TRPM3: variants seen among roughly 807,000 people sequenced by gnomAD.
The protein encoded by TRPM3 is long transient receptor potential channel 3.
Under a neutral mutation model 181.2 loss-of-function variants are expected in TRPM3, and 77 were observed. That is an observed-to-expected ratio of 0.42 (90% CI 0.35 to 0.51). TRPM3 has a LOEUF of 0.51. TRPM3 is among the 20% of genes least tolerant of loss of function. The pLI, the probability that TRPM3 is intolerant of heterozygous loss-of-function variation, is 0.01. For missense variants in TRPM3, 1,759 were observed against 2,196.7 expected, an observed-to-expected ratio of 0.80 and a Z score of 3.98; for synonymous variants, 745 against 796.4, an observed-to-expected ratio of 0.94 and a Z score of 1.09.
At chr9:70,889,707 G>A (rs1437636987) in intron 1 of TRPM3, among the ~76,000 whole-genome samples, 1 of 152,094 alleles carries the variant, frequency 6.6e-6, no homozygotes, top group African/African-American at 2.4e-5. Context: ...TTACTCTGAG[G>A]TATAAGAGCA....
chr9:71,406,844 A>C (rs576736635), intron 1 of TRPM3, among the ~76,000 whole-genome samples: 1 of 152,254 alleles, frequency 6.6e-6, no homozygotes, highest in South Asian at 2.1e-4. Flanking sequence ...AAGGATCTGC[A>C]ACCAGAACTC....
At chr9:71,441,556 T>C (rs1436366932) in intron 1 of TRPM3, among the ~76,000 whole-genome samples, 2 of 151,936 alleles carry the variant, frequency 1.3e-5, no homozygotes, top group African/African-American at 4.8e-5. Flanking sequence ...AAGGACCTAC[T>C]AGCCACGTAA....
At chr9:70,621,521 C>T (rs766420953) in intron 14 of TRPM3, among the ~76,000 whole-genome samples, 5 of 152,016 alleles carry the variant, frequency 3.3e-5, no homozygotes, top group African/African-American at 7.2e-5. Context: ...CATGTTACCA[C>T]GCTTGGCTAA....
chr9:70,536,767 G>C lies in TRPM3; in HGVS notation c.4346C>G (p.Ser1449Cys). ...ATAGGCACTACTTGAAGGGGCTGTG[G>C]AAGGTACTGGAGTTGAAAAGCTTGG... ...GEPSFSTPVP[S>C]TAPSSSAYAT... Residue 1449 changes from serine to cysteine, a missense_variant, in exon 26 of 26, where the codon TCC (serine) becomes TGC (cysteine). Around this residue, in one of 8 missense-constraint regions of TRPM3, gnomAD observed 612 missense variants for 590.0 expected, o/e 1.04. Coordinates refer to ENST00000677713, the MANE Select transcript of TRPM3 (RefSeq NM_001366145.2). 6.2e-7 allele frequency: 1 copy of C among 1,614,176 alleles called. No homozygotes were observed. The highest frequency in any genetic ancestry group is 8.5e-7 in the Non-Finnish European group (1 of 1,180,034).
At chr9:71,241,438 T>C (rs771661445) in intron 1 of TRPM3, among the ~76,000 whole-genome samples, 41 of 144,250 alleles carry the variant, frequency 2.8e-4, no homozygotes, top group East Asian at 1.3e-3. Flanking sequence ...TAGGTGGGAA[T>C]TGAACAATGA....
intron 19 of TRPM3, among the ~76,000 whole-genome samples, chr9:70,604,842 C>T (rs560997385): frequency 6.6e-6 from 1 of 152,084 alleles, no homozygotes; most frequent in Admixed American, 6.5e-5. Flanking sequence ...GAGACAGCAT[C>T]TCACTTTGTT....
intron 9 of TRPM3, among the ~76,000 whole-genome samples, chr9:70,661,737 C>CA (rs576193315): frequency 2.0e-5 from 3 of 151,710 alleles, no homozygotes; most frequent in Non-Finnish European, 2.9e-5. Context: ...AGATCTCTAC[C>CA]AAAAAAACCC....
chr9:71,262,911 T>C (rs930375156), intron 1 of TRPM3, among the ~76,000 whole-genome samples: 1 of 152,218 alleles, frequency 6.6e-6, no homozygotes, highest in Non-Finnish European at 1.5e-5. Context: ...TCACCCGCCT[T>C]CTGCATTGGT....
chr9:71,002,505 C>T (rs1209717435), intron 1 of TRPM3, among the ~76,000 whole-genome samples: 1 of 152,114 alleles, frequency 6.6e-6, no homozygotes, highest in East Asian at 1.9e-4. Flanking sequence ...GATGATGTTC[C>T]TAAAACTTCA....
chr9:71,321,550 G>C (rs1343865489), intron 1 of TRPM3, among the ~76,000 whole-genome samples: 6 of 152,074 alleles, frequency 3.9e-5, no homozygotes, highest in Admixed American at 3.9e-4. Context: ...TAGAATATAA[G>C]ATGTAAGAAA....
intron 8 of TRPM3, among the ~76,000 whole-genome samples, chr9:70,695,563 G>T (rs1264135598): frequency 1.3e-5 from 2 of 152,172 alleles, no homozygotes; most frequent in African/African-American, 2.4e-5. Context: ...TCTTCTGCAA[G>T]CTTATCTTGG....
chr9:70,546,774 TAAAGC>T (rs1432350190), intron 25 of TRPM3, among the ~76,000 whole-genome samples: 4 of 151,786 alleles, frequency 2.6e-5, no homozygotes, highest in Non-Finnish European at 5.9e-5. Context: ...TTGTCCCAAA[TAAAGC>T]AGAGGGCATT....
intron 1 of TRPM3, among the ~76,000 whole-genome samples, chr9:71,344,700 G>T (rs904521722): frequency 3.3e-5 from 5 of 152,020 alleles, no homozygotes; most frequent in Non-Finnish European, 5.9e-5. Flanking sequence ...TCTTAGCTAG[G>T]ACTCAAAACA....
chr9:71,162,318 T>C (rs1356849038), intron 1 of TRPM3, among the ~76,000 whole-genome samples: 4 of 152,138 alleles, frequency 2.6e-5, no homozygotes, highest in Non-Finnish European at 2.9e-5. Flanking sequence ...TCTGGCTTTC[T>C]GGTAACCTGT....
intron 8 of TRPM3, among the ~76,000 whole-genome samples, chr9:70,746,457 G>A (rs4744610): frequency 0.43 from 65,738 of 151,860 alleles, 15,095 homozygotes; most frequent in African/African-American, 0.59. Context: ...CTTGTACTGG[G>A]AGGTAGTGGA....
chr9:70,678,509 T>C (rs546679545), intron 9 of TRPM3, among the ~76,000 whole-genome samples: 1 of 152,278 alleles, frequency 6.6e-6, no homozygotes, highest in African/African-American at 2.4e-5. Context: ...AATATGCAGA[T>C]CCCAAGGAAA....
intron 1 of TRPM3, among the ~76,000 whole-genome samples, chr9:71,426,041 T>C (rs2093857148): frequency 6.6e-6 from 1 of 152,164 alleles, no homozygotes; most frequent in African/African-American, 2.4e-5. Context: ...TTATACCCCT[T>C]GTGCCAGTTA....
At chr9:71,002,649 T>C (rs1157729322) in intron 1 of TRPM3, among the ~76,000 whole-genome samples, 2 of 152,148 alleles carry the variant, frequency 1.3e-5, no homozygotes, top group African/African-American at 2.4e-5. Flanking sequence ...TAACATTTGA[T>C]TAGGATAATT....
intron 1 of TRPM3, among the ~76,000 whole-genome samples, chr9:71,162,896 T>C (rs2076348159): frequency 6.6e-6 from 1 of 152,110 alleles, no homozygotes; most frequent in South Asian, 2.1e-4. Flanking sequence ...TTAGGTTGGG[T>C]GAGAAGAGGT....
Sources: gnomAD v4.1 joint callset for allele counts (sites outside exome capture counted in the v4.1 genomes callset) on GRCh38, gnomAD v4.1.1 for gene constraint, gnomAD v4.1.1 regional missense constraint, MANE v1.5 for transcripts, NCBI Gene and HGNC (gene_info 2026-07-23, HGNC 2026-07-21) for gene names.